Variants in TASL observed in about 807,000 individuals in gnomAD.
TASL encodes the protein TLR adaptor interacting with endolysosomal SLC15A4.
A neutral mutation model predicts 12.9 loss-of-function variants in TASL; 6 were observed. The ratio of observed to expected loss-of-function variants is 0.46; its 90% confidence interval spans 0.25 to 0.92. The LOEUF (loss-of-function observed/expected upper bound fraction) is 0.92, where lower values mean the gene tolerates loss of function less well. Among genes scored for constraint, TASL ranks in the 40% least tolerant of loss-of-function variants. The pLI is 0.17. For synonymous variants in TASL, 85 were observed against 79.3 expected (o/e 1.07, Z -0.38); for missense variants, 165 against 212.8 (o/e 0.78, Z 1.40).
At chrX:30,577,235 G>A (rs766519968) in intron 1 of TASL, among the ~76,000 whole-genome samples, 35 of 112,321 alleles carry the variant, frequency 3.1e-4, no homozygotes, top group Non-Finnish European at 5.4e-4. Context: ...GAGCTGTGTT[G>A]TCCCTGCAAA....
At chrX:30,569,997 A>C (rs1299422171) in intron 2 of TASL, among the ~76,000 whole-genome samples, 1 of 98,270 alleles carries the variant, frequency 1.0e-5, no homozygotes, top group Non-Finnish European at 2.0e-5. Context: ...CAGCCTGGCG[A>C]CAGAGCAAGA....
Position 30,559,238 on chromosome X carries a change from G to T in TASL, c.*212C>A. On this transcript the variant is annotated 3_prime_UTR_variant, in exon 3 of 3. Transcript: ENST00000378962. ...TTCCTTGCTGTACACACCTCTCTTTGAAATCATTCCTTATGGCTCCTCTTA... is the reference window on the plus strand; with the variant it reads ...TTCCTTGCTGTACACACCTCTCTTTTAAATCATTCCTTATGGCTCCTCTTA... 2.8e-6 allele frequency: 1 copy of T among 350,955 alleles called. No individual in the cohort carries two copies. The highest frequency in any genetic ancestry group is 4.9e-6 in the Non-Finnish European group (1 of 203,042). The allele number at this position is 350,955 out of a possible 1,213,427, so 28.9% of individuals were successfully genotyped here.
intron 2 of TASL, among the ~76,000 whole-genome samples, chrX:30,575,258 G>A (rs761326111): frequency 9.0e-6 from 1 of 111,194 alleles, no homozygotes; most frequent in South Asian, 3.8e-4. Flanking sequence ...TGAAAAACTT[G>A]AATATTGTTT....
chrX:30,559,719 A>G lies in TASL; in HGVS notation c.637T>C (p.Tyr213His). The part of the protein sequence containing the change: ...NPISNAVLNE[Y>H]LEQKVVELYK... ...AACTCCACAACCTTCTGCTCCAGGT[A>G]CTCATTCAGAACTGCATTAGAAATA... Residue 213 changes from tyrosine (Y) to histidine (H), a missense_variant, in exon 3 of 3, where the codon TAC (tyrosine) becomes CAC (histidine). Transcript: ENST00000378962. 1 of 1,210,559 alleles carries G rather than the reference A, an allele frequency of 8.3e-7. No homozygotes were observed. The highest frequency in any genetic ancestry group is 1.1e-6 in the Non-Finnish European group (1 of 894,609).
chrX:30,571,635 AG>A (rs754363953), intron 2 of TASL, among the ~76,000 whole-genome samples: 3,163 of 12,671 alleles, frequency 0.25, 63 homozygotes, highest in Middle Eastern at 0.36. Context: ...CTCAAAAAAA[AG>A]GGGGGGGGGG....
intron 2 of TASL, among the ~76,000 whole-genome samples, chrX:30,568,994 A>G (rs1930547220): frequency 9.3e-6 from 1 of 107,812 alleles, no homozygotes; most frequent in African/African-American, 3.4e-5. Context: ...AAAGGAAAAA[A>G]GATTTCTGAG....
chrX:30,560,224 G>A lies in TASL; in HGVS notation c.132C>T (p.Ser44=), dbSNP rs200211063. 2 of 1,209,203 alleles carry A rather than the reference G, an allele frequency of 1.7e-6. No individual in the cohort carries two copies. The highest frequency in any genetic ancestry group is 5.9e-5 in the East Asian group (2 of 33,738). Residue 44 remains serine, a synonymous_variant, in exon 3 of 3, where the codon TCC becomes TCT. Transcript: ENST00000378962. The part of the protein sequence containing the change: ...ETNSVATLSY[S]SVDETQVRSL... ...TTCTGACTTGTGTTTCATCCACAGA[G>A]GAATAGGAAAGGGTAGCAACAGAAT...
At chrX:30,567,896 CTG>C (rs1246928868) in intron 2 of TASL, among the ~76,000 whole-genome samples, 1 of 111,954 alleles carries the variant, frequency 8.9e-6, no homozygotes, top group Non-Finnish European at 1.9e-5. Context: ...GCAAGTATAA[CTG>C]TGATTAAATT....
intron 2 of TASL, among the ~76,000 whole-genome samples, chrX:30,575,353 C>T (rs1162747746): frequency 9.0e-6 from 1 of 110,808 alleles, no homozygotes; most frequent in Non-Finnish European, 1.9e-5. Context: ...AGACCTTTAC[C>T]TAAACAAAAA....
At chrX:30,563,064 G>A (rs887029899) in intron 2 of TASL, among the ~76,000 whole-genome samples, 5 of 110,932 alleles carry the variant, frequency 4.5e-5, no homozygotes, top group African/African-American at 1.6e-4. Flanking sequence ...ATGGTGATAT[G>A]GTTTGCTGTG....
rs1483128261 is a variant in TASL, at chrX:30,570,096, T to C, written c.-2+6656A>G. Among the ~76,000 whole-genome samples the C allele has an allele frequency of 5.4e-5, 6 of 111,025 alleles. No homozygotes were observed. The Admixed American group carries it at 5.8e-4, about 11-fold the overall frequency. On this transcript the variant is annotated intron_variant, in intron 2 of 2. Coordinates refer to ENST00000378962, the MANE Select transcript of TASL (RefSeq NM_025159.3). ...AGGCAATATACATATGTGGTGTATA[T>C]ATATAAATATATGTATGTTACCTAG...
At chrX:30,571,028 A>G (rs1017033864) in intron 2 of TASL, among the ~76,000 whole-genome samples, 7 of 108,267 alleles carry the variant, frequency 6.5e-5, no homozygotes, top group Admixed American at 2.0e-4. Flanking sequence ...TAAAAATACA[A>G]AATTAGTCTG....
intron 2 of TASL, among the ~76,000 whole-genome samples, chrX:30,566,237 TG>T (rs1930496049): frequency 9.0e-6 from 1 of 110,645 alleles, no homozygotes; most frequent in Non-Finnish European, 1.9e-5. Flanking sequence ...CCAGGCGTGG[TG>T]GCTCATGCCT....
At chrX:30,568,452 C>A (rs1930534458) in intron 2 of TASL, among the ~76,000 whole-genome samples, 1 of 110,799 alleles carries the variant, frequency 9.0e-6, no homozygotes, top group Non-Finnish European at 1.9e-5. Flanking sequence ...GAGAGAAGGG[C>A]AATAAAAGTG....
At chrX:30,564,779 G>A (rs1035820238) in intron 2 of TASL, among the ~76,000 whole-genome samples, 1 of 111,963 alleles carries the variant, frequency 8.9e-6, no homozygotes, top group Non-Finnish European at 1.9e-5. Context: ...ATAAAATGGA[G>A]ACAAAGGATA....
At position 30,560,061 on chromosome X, in the gene TASL, C is replaced by T; in HGVS notation, c.295G>A (p.Ala99Thr). 2 of 1,211,782 alleles carry T rather than the reference C, an allele frequency of 1.7e-6. No homozygotes were observed. Among genetic ancestry groups the T allele is most frequent in the Non-Finnish European group, 2.2e-6 (2 of 895,430 alleles). ...NPVFESPNLA[A>T]VEICRDASRE... Reference sequence around the variant, plus strand: ...CTGGCATCTCTACATATTTCAACTGCAGCCAAGTTTGGGCTTTCAAACACA... The same window carrying T: ...CTGGCATCTCTACATATTTCAACTGTAGCCAAGTTTGGGCTTTCAAACACA... Residue 99 changes from alanine (A) to threonine (T), a missense_variant, in exon 3 of 3, where the codon GCA becomes ACA. By Grantham distance (58) the Ala-to-Thr change is moderately conservative. Transcript: ENST00000378962.
At position 30,571,292 on chromosome X, in the gene TASL, AAGAAAG is replaced by A. The variant is rs1569306176; in HGVS notation, c.-2+5454_-2+5459del. Among the ~76,000 whole-genome samples the A allele has an allele frequency of 4.5e-3, 412 of 91,457 alleles. 3 individuals are homozygous for A. The highest frequency in any genetic ancestry group is 6.7e-3 in the Non-Finnish European group (312 of 46,740). 79.4% of individuals were successfully genotyped at this position (91,457 alleles called of 115,157 possible). ...AAAGAAAGAAAGAAAGAAAGAAAGAAAGAAAGAAAGAAAGAAAGAAAGAAAGAAAGA... is the reference window on the plus strand; with the variant it reads ...AAAGAAAGAAAGAAAGAAAGAAAGAAAAAGAAAGAAAGAAAGAAAGAAAGA... On this transcript the variant is annotated intron_variant, in intron 2 of 2. Transcript: ENST00000378962.
intron 2 of TASL, among the ~76,000 whole-genome samples, chrX:30,561,644 G>A (rs183397970): frequency 1.2e-3 from 133 of 111,251 alleles, no homozygotes; most frequent in African/African-American, 4.3e-3. Flanking sequence ...TGTTTCCCAG[G>A]TAAATAAAAT....
intron 2 of TASL, among the ~76,000 whole-genome samples, chrX:30,575,184 T>G (rs1930688538): frequency 9.0e-6 from 1 of 111,728 alleles, no homozygotes; most frequent in African/African-American, 3.2e-5. Context: ...ATAATTCCAT[T>G]GTAAACTTTT....
Sources: gnomAD v4.1 joint callset for allele counts (sites outside exome capture counted in the v4.1 genomes callset) on GRCh38, gnomAD v4.1.1 for gene constraint, MANE v1.5 for transcripts, NCBI Gene and HGNC (gene_info 2026-07-23, HGNC 2026-07-21) for gene names.